The following TP53BP1 variants were observed in gnomAD, a reference collection of about 807,000 sequenced individuals.
The protein encoded by TP53BP1 is tumor protein p53 binding protein 1.
In TP53BP1, 61 loss-of-function variants were observed where a neutral mutation model predicts 200.8. The observed-to-expected ratio is 0.30, with a 90% CI of 0.25 to 0.38. TP53BP1 has a LOEUF of 0.38. Ranked by LOEUF, TP53BP1 falls within the 10% of genes least tolerant of loss-of-function variation. The probability of loss-of-function intolerance (pLI) is 1.00; values close to 1 mark genes in which losing one functional copy is unlikely to be tolerated. For missense variants in TP53BP1, 2,144 were observed against 2,371.9 expected (o/e 0.90, Z 2.00); for synonymous variants, 822 against 844.3 (o/e 0.97, Z 0.46).
At position 43,492,392 on chromosome 15, in the gene TP53BP1, T is replaced by G. The variant is rs2079138024; in HGVS notation, c.84A>C (p.Glu28Asp). ...SQQDTPCLII[E>D]DSQPESQVLE... ...GAACCTGGCTTTCAGGCTGAGAATC[T>G]TCAATTATCAGGCAAGGAGTATCTT... Residue 28 changes from glutamate (E) to aspartate (D), a missense_variant, in exon 2 of 28, where the codon GAA becomes GAC. By Grantham distance (45) the Glu-to-Asp change is conservative. Coordinates refer to ENST00000382044, the MANE Select transcript of TP53BP1 (RefSeq NM_001141980.3). 1 of 1,613,798 alleles carries G rather than the reference T, an allele frequency of 6.2e-7. No individual in the cohort carries two copies. Among genetic ancestry groups the G allele is most frequent in the Non-Finnish European group, 8.5e-7 (1 of 1,179,790 alleles).
chr15:43,478,031 G>A (rs750059019), intron 7 of TP53BP1, among the ~76,000 whole-genome samples: 1 of 152,160 alleles, frequency 6.6e-6, no homozygotes, highest in Non-Finnish European at 1.5e-5. Flanking sequence ...GATTTCTGAT[G>A]AGTAACTTGG....
rs781611687 is a variant in TP53BP1, at chr15:43,455,918, G to A, written c.2690C>T (p.Ser897Leu). The A allele has an allele frequency of 1.2e-6, 2 of 1,614,144 alleles. No homozygotes were observed. Among genetic ancestry groups the A allele is most frequent in the South Asian group, 1.1e-5 (1 of 91,070 alleles). ...QKLGKPSAHA[S>L]QSFCESSSET... ...ACTAGAACTTTCACAGAAGCTTTGT[G>A]AGGCATGGGCAGAGGGCTTCCCCAG... The change falls in exon 12 of 28, where the codon TCA becomes TTA. Residue 897 changes from serine (S) to leucine (L), a missense_variant. Ser to Leu is a moderately radical substitution (Grantham distance 145). Transcript: ENST00000382044.
intron 5 of TP53BP1, 130 bp from the exon 6 acceptor site, chr15:43,480,147 CAAAAATA>C: frequency 1.2e-6 from 1 of 814,018 alleles, no homozygotes; most frequent in African/African-American, 1.7e-5. Context: ...CCAAATTTTT[CAAAAATA>C]AAAAATAAAT....
At chr15:43,446,150 G>A (rs1417604623) in intron 14 of TP53BP1, among the ~76,000 whole-genome samples, 7 of 152,094 alleles carry the variant, frequency 4.6e-5, no homozygotes, top group Non-Finnish European at 8.8e-5. Flanking sequence ...TCTGAATAGG[G>A]AAACCAATTA....
chr15:43,477,838 G>T, intron 7 of TP53BP1, 79 bp from the exon 8 acceptor site: 4 of 1,180,496 alleles, frequency 3.4e-6, no homozygotes, highest in Admixed American at 2.8e-5. Flanking sequence ...TGTTTTGTGT[G>T]TTTTTCTTTA....
At chr15:43,474,337 G>A (rs1032930964) in intron 10 of TP53BP1, among the ~76,000 whole-genome samples, 5 of 152,236 alleles carry the variant, frequency 3.3e-5, no homozygotes, top group South Asian at 4.1e-4. Flanking sequence ...ACAGTGCAGC[G>A]GTGGGCTGAA....
upstream of TP53BP1, among the ~76,000 whole-genome samples, chr15:43,497,950 T>C (rs542134362): frequency 2.0e-5 from 3 of 152,352 alleles, no homozygotes; most frequent in Admixed American, 6.5e-5. Flanking sequence ...TATTTAAAGA[T>C]GTGTACTTAG....
At chr15:43,464,232 A>G (rs2046508164) in intron 11 of TP53BP1, among the ~76,000 whole-genome samples, 1 of 152,250 alleles carries the variant, frequency 6.6e-6, no homozygotes, top group Non-Finnish European at 1.5e-5. Flanking sequence ...AAACAAAACT[A>G]AAGTCCACCT....
rs2046300556 is a variant in TP53BP1 at position 43,456,521 on chromosome 15, A to G, written c.2087T>C (p.Leu696Pro). 6.3e-7 allele frequency: 1 copy of G among 1,599,224 alleles called. No individual in the cohort carries two copies. Among genetic ancestry groups the G allele is most frequent in the Admixed American group, 1.7e-5 (1 of 57,660 alleles). The change falls in exon 12 of 28, where the codon CTT becomes CCT. Residue 696 changes from leucine to proline, a missense_variant. Physicochemically the swap from Leu to Pro is moderately conservative, Grantham distance 98. This residue lies in a region of TP53BP1 where 1,700 missense variants were observed against 1,710.3 expected (regional missense o/e 0.99). Coordinates refer to ENST00000382044, the MANE Select transcript of TP53BP1 (RefSeq NM_001141980.3). ...EENMESVPLHLSLTETQSQGL... is the reference protein window; with the variant it reads ...EENMESVPLHPSLTETQSQGL... ...TTGGGACTGAGTTTCAGTCAGAGAAAGGTGCAACGGAACACTCTCCATATT... is the reference window on the plus strand; with the variant it reads ...TTGGGACTGAGTTTCAGTCAGAGAAGGGTGCAACGGAACACTCTCCATATT...
chr15:43,441,724 AACAT>A (rs2045929232), intron 14 of TP53BP1, 141 bp from the exon 15 acceptor site: 2 of 608,152 alleles, frequency 3.3e-6, no homozygotes, highest in Non-Finnish European at 5.8e-6. Context: ...AGTAAGTATA[AACAT>A]ACAAACATTT....
chr15:43,433,083 C>T (rs558961129), intron 16 of TP53BP1, among the ~76,000 whole-genome samples: 105 of 152,152 alleles, frequency 6.9e-4, no homozygotes, highest in Non-Finnish European at 1.3e-3. Flanking sequence ...GATGTCTTAT[C>T]TGGCCTTATG....
At chr15:43,491,874 T>A in intron 3 of TP53BP1, 121 bp from the exon 4 acceptor site, 1 of 1,067,194 alleles carries the variant, frequency 9.4e-7, no homozygotes, top group Non-Finnish European at 1.5e-6. Context: ...TTTGAGTGAC[T>A]ACTACGCAGA....
intron 26 of TP53BP1, chr15:43,408,480 TA>T (rs1436601448): frequency 2.3e-5 from 6 of 259,820 alleles, no homozygotes; most frequent in Non-Finnish European, 4.5e-5. Flanking sequence ...GACTTCATCT[TA>T]AAAAACTAAG....
intron 4 of TP53BP1, among the ~76,000 whole-genome samples, chr15:43,483,271 C>CACACAG (rs60263686): frequency 2.5e-4 from 38 of 150,574 alleles, no homozygotes. Flanking sequence ...CACACACACA[C>CACACAG]AGAACAAATG....
In TP53BP1 at chr15:43,438,934, A is replaced by G. The variant is rs1175128080; in HGVS notation, c.3099-518T>C. ...ACCATTGTCAATTTTTTAAAGTATGATAATAGTAATACGGTTAAGTTTAAA... is the reference window on the plus strand; with the variant it reads ...ACCATTGTCAATTTTTTAAAGTATGGTAATAGTAATACGGTTAAGTTTAAA... On this transcript the variant is annotated intron_variant, in intron 15 of 27. Transcript: ENST00000382044. Among the ~76,000 whole-genome samples the G allele has an allele frequency of 3.3e-5, 5 of 152,272 alleles. No homozygotes were observed. In the South Asian group the frequency reaches 8.3e-4, roughly 25 times the overall value.
intron 4 of TP53BP1, among the ~76,000 whole-genome samples, chr15:43,481,400 A>G (rs544369720): frequency 3.9e-5 from 6 of 152,148 alleles, no homozygotes; most frequent in Non-Finnish European, 7.3e-5. Flanking sequence ...CTTAAAATAC[A>G]TATATAGAAC....
upstream of TP53BP1, among the ~76,000 whole-genome samples, chr15:43,493,719 T>G (rs2079160860): frequency 6.6e-6 from 1 of 152,216 alleles, no homozygotes; most frequent in African/African-American, 2.4e-5. Context: ...AGTATTTGTT[T>G]GTTTTTACAT....
intron 16 of TP53BP1, among the ~76,000 whole-genome samples, chr15:43,434,749 A>G: frequency 6.6e-6 from 1 of 152,244 alleles, no homozygotes; most frequent in Non-Finnish European, 1.5e-5. Flanking sequence ...TCTTTTGTTT[A>G]TAAGCTATCT....
At chr15:43,504,028 T>C (rs2079223682) in intron 1 of TP53BP1, among the ~76,000 whole-genome samples, 1 of 152,200 alleles carries the variant, frequency 6.6e-6, no homozygotes, top group African/African-American at 2.4e-5. Flanking sequence ...CTAAAGCCTG[T>C]AATCCCATAG....
Sources: gnomAD v4.1 joint callset for allele counts (sites outside exome capture counted in the v4.1 genomes callset) on GRCh38, gnomAD v4.1.1 for gene constraint, gnomAD v4.1.1 regional missense constraint, MANE v1.5 for transcripts, NCBI Gene and HGNC (gene_info 2026-07-23, HGNC 2026-07-21) for gene names.